ANKRD13C: variants seen among roughly 807,000 people sequenced by gnomAD.
ANKRD13C encodes ankyrin repeat domain-containing protein 13C.
In ANKRD13C, 16 loss-of-function variants were observed where a neutral mutation model predicts 65.5. That is an observed-to-expected ratio of 0.24 (90% confidence interval 0.17 to 0.37). The LOEUF (loss-of-function observed/expected upper bound fraction) is 0.37. Among genes scored for constraint, ANKRD13C ranks in the 10% least tolerant of loss-of-function variants. ANKRD13C has a pLI of 1.00. For missense variants in ANKRD13C, 503 were observed against 655.9 expected (o/e 0.77, Z 2.55); for synonymous variants, 235 against 238.7 (o/e 0.98, Z 0.14).
intron 6 of ANKRD13C, among the ~76,000 whole-genome samples, chr1:70,304,570 A>G (rs1448250456): frequency 6.6e-6 from 1 of 151,702 alleles, no homozygotes; most frequent in East Asian, 1.9e-4. Context: ...CTAATTTTTA[A>G]TATTTTTTTG....
At chr1:70,274,580 A>G (rs1679049435) in intron 11 of ANKRD13C, 140 bp downstream of exon 11, 2 of 583,400 alleles carry the variant, frequency 3.4e-6, no homozygotes, top group South Asian at 5.3e-5. Context: ...GTTCTAGAAC[A>G]GTGCACACAC....
chr1:70,338,497 T>C (rs1448286870), intron 1 of ANKRD13C, among the ~76,000 whole-genome samples: 3 of 152,154 alleles, frequency 2.0e-5, no homozygotes, highest in Non-Finnish European at 4.4e-5. Context: ...GCTCCCGGGT[T>C]CAGGTGGTTC....
At chr1:70,270,831 A>C in intron 12 of ANKRD13C, 25 bp downstream of exon 12, 1 of 1,484,760 alleles carries the variant, frequency 6.7e-7, no homozygotes, top group Non-Finnish European at 9.3e-7. Flanking sequence ...TGGACACTAA[A>C]ATTATATCTA....
rs1682903563 is a variant in ANKRD13C at position 70,354,380 on chromosome 1, C to T, written c.29G>A (p.Arg10Gln). 2 of 1,613,718 alleles carry T rather than the reference C, an allele frequency of 1.2e-6. No homozygotes were observed. Among genetic ancestry groups the T allele is most frequent in the Non-Finnish European group, 1.7e-6 (2 of 1,179,840 alleles). Residue 10 changes from arginine (R) to glutamine (Q), a missense_variant, in exon 1 of 13, where the codon CGG becomes CAG. This residue lies in a region of ANKRD13C where 203 missense variants were observed against 177.6 expected (regional missense o/e 1.14). Transcript: ENST00000370944. ...TTCTTTGCTGGGCTTGTGGTCCCTCCGCAGTGAGCGGATCTTCTCCCCGGT... is the reference window on the plus strand; with the variant it reads ...TTCTTTGCTGGGCTTGTGGTCCCTCTGCAGTGAGCGGATCTTCTCCCCGGT... MTGEKIRSL[R>Q]RDHKPSKEEG...
chr1:70,305,953 A>G (rs1680569023), intron 6 of ANKRD13C: 1 of 178,310 alleles, frequency 5.6e-6, no homozygotes, highest in African/African-American at 2.4e-5. Flanking sequence ...TGCCTTCTGG[A>G]TAGTCTGTAG....
At chr1:70,337,621 T>C (rs1157809992) in intron 1 of ANKRD13C, among the ~76,000 whole-genome samples, 1 of 152,094 alleles carries the variant, frequency 6.6e-6, no homozygotes, top group African/African-American at 2.4e-5. Flanking sequence ...AAGTCATCTC[T>C]GTAATTAATT....
rs186578157 is a variant in ANKRD13C at position 70,304,052 on chromosome 1, G to A, written c.776+2172C>T. On this transcript the variant is annotated intron_variant, in intron 6 of 12. Coordinates refer to ENST00000370944, the MANE Select transcript of ANKRD13C (RefSeq NM_030816.5). The stretch of plus-strand genomic sequence containing the variant: ...CTCATGTTCCTGTTTTAACTTTTGT[G>A]TGTGTGTGTGACAGGGACTCACTCT... Among the ~76,000 whole-genome samples, 4 of 152,096 alleles carry A rather than the reference G, an allele frequency of 2.6e-5. No individual in the cohort carries two copies. In the East Asian group the frequency reaches 7.8e-4, roughly 30 times the overall value.
At chr1:70,352,226 GC>G (rs1682771217) in intron 1 of ANKRD13C, among the ~76,000 whole-genome samples, 1 of 150,946 alleles carries the variant, frequency 6.6e-6, no homozygotes, top group Non-Finnish European at 1.5e-5. Context: ...TGTACTACCA[GC>G]TACTCAGGAG....
chr1:70,285,789 T>A lies in ANKRD13C; in HGVS notation c.1215+6599A>T, dbSNP rs563988423. On this transcript the variant is annotated intron_variant, in intron 9 of 12. Transcript: ENST00000370944. ...ATTACAGCGTGCCACCACACCTAGC[T>A]AATTTTTATATTTTCAGTAGAGACA... 5.3e-5 allele frequency among the ~76,000 whole-genome samples: 8 copies of A among 152,020 alleles called. No individual in the cohort carries two copies. In the East Asian group the frequency reaches 1.6e-3, roughly 29 times the overall value.
chr1:70,267,335 A>C (rs1558257827), intron 12 of ANKRD13C, among the ~76,000 whole-genome samples: 1 of 152,144 alleles, frequency 6.6e-6, no homozygotes, highest in African/African-American at 2.4e-5. Context: ...GAGTTTACTG[A>C]AAATAGCAGA....
At chr1:70,323,749 A>T (rs866101100) in intron 3 of ANKRD13C, among the ~76,000 whole-genome samples, 1 of 148,018 alleles carries the variant, frequency 6.8e-6, no homozygotes, top group Middle Eastern at 3.5e-3. Flanking sequence ...TTTGAGACAG[A>T]GTCTTGCTCT....
chr1:70,307,958 G>T (rs965365777), intron 5 of ANKRD13C, among the ~76,000 whole-genome samples: 4 of 151,100 alleles, frequency 2.6e-5, no homozygotes, highest in African/African-American at 9.7e-5. Flanking sequence ...CTTTGAAAAA[G>T]AAAAAAAGAA....
At chr1:70,321,649 G>C (rs918405008) in intron 3 of ANKRD13C, among the ~76,000 whole-genome samples, 1 of 152,132 alleles carries the variant, frequency 6.6e-6, no homozygotes, top group African/African-American at 2.4e-5. Context: ...CCATGGGTGA[G>C]GGATAAATTG....
intron 9 of ANKRD13C, among the ~76,000 whole-genome samples, chr1:70,278,544 C>A (rs1267799050): frequency 6.6e-6 from 1 of 151,926 alleles, no homozygotes. Flanking sequence ...AAAACAAAAA[C>A]CTCATAAATT....
chr1:70,301,765 GC>G (rs1680365478), intron 6 of ANKRD13C, among the ~76,000 whole-genome samples: 1 of 152,264 alleles, frequency 6.6e-6, no homozygotes, highest in East Asian at 1.9e-4. Flanking sequence ...AGCACTACTT[GC>G]CGAAATTAGG....
intron 9 of ANKRD13C, among the ~76,000 whole-genome samples, chr1:70,277,239 C>T (rs527783238): frequency 4.6e-5 from 7 of 152,182 alleles, no homozygotes; most frequent in Admixed American, 3.9e-4. Context: ...GGGTGGATCA[C>T]GAGGTCAGGA....
intron 9 of ANKRD13C, among the ~76,000 whole-genome samples, chr1:70,291,366 A>G (rs969055438): frequency 3.9e-5 from 6 of 152,156 alleles, no homozygotes; most frequent in African/African-American, 1.4e-4. Context: ...TCTTTGTATG[A>G]CTCTAGTATT....
chr1:70,276,878 G>A, intron 9 of ANKRD13C, 34 bp from the exon 10 acceptor site: 1 of 1,494,060 alleles, frequency 6.7e-7, no homozygotes. Context: ...AAGTGGGGTG[G>A]GGGAGAAAGA....
chr1:70,338,480 A>G (rs953604435), intron 1 of ANKRD13C, among the ~76,000 whole-genome samples: 2 of 152,134 alleles, frequency 1.3e-5, no homozygotes, highest in Non-Finnish European at 2.9e-5. Flanking sequence ...GGCTCACTGC[A>G]ACCTCCGCTC....
Sources: gnomAD v4.1 joint callset for allele counts (sites outside exome capture counted in the v4.1 genomes callset) on GRCh38, gnomAD v4.1.1 for gene constraint, gnomAD v4.1.1 regional missense constraint, MANE v1.5 for transcripts, NCBI Gene and HGNC (gene_info 2026-07-23, HGNC 2026-07-21) for gene names.